The following RAPGEF5 variants were observed in gnomAD, a reference collection of about 807,000 sequenced individuals.
RAPGEF5 encodes the protein M-Ras-regulated GEF.
RAPGEF5 carries 65 observed loss-of-function variants against 125.2 expected under a neutral mutation model. That is an observed-to-expected ratio of 0.52 (90% CI 0.43 to 0.64). The LOEUF (loss-of-function observed/expected upper bound fraction) is 0.64, where lower values mean the gene tolerates loss of function less well. RAPGEF5 is among the 30% of genes least tolerant of loss of function. The pLI is 0.00. For missense variants in RAPGEF5, 958 were observed against 1,048.1 expected (o/e 0.91, Z 1.19); for synonymous variants, 391 against 385.9 (o/e 1.01, Z -0.16).
intron 6 of RAPGEF5, among the ~76,000 whole-genome samples, chr7:22,283,467 G>C (rs1782722144): frequency 6.6e-6 from 1 of 152,100 alleles, no homozygotes; most frequent in African/African-American, 2.4e-5. Flanking sequence ...ACCATACAAA[G>C]CTATAACACT....
chr7:22,269,634 A>C (rs948751892), intron 6 of RAPGEF5, among the ~76,000 whole-genome samples: 2 of 152,274 alleles, frequency 1.3e-5, no homozygotes, highest in Non-Finnish European at 2.9e-5. Flanking sequence ...AGAAGGATTC[A>C]AAGCTGGCCT....
chr7:22,156,042 A>T (rs892254743), intron 16 of RAPGEF5, among the ~76,000 whole-genome samples: 1 of 152,242 alleles, frequency 6.6e-6, no homozygotes, highest in Non-Finnish European at 1.5e-5. Flanking sequence ...TATCAGCAGC[A>T]TTATATGCAA....
At chr7:22,221,041 T>C (rs1307301934) in intron 8 of RAPGEF5, among the ~76,000 whole-genome samples, 24 of 152,176 alleles carry the variant, frequency 1.6e-4, no homozygotes, top group Non-Finnish European at 1.0e-4. Flanking sequence ...AATGACTAAA[T>C]CTTTGTTCCC....
intron 6 of RAPGEF5, among the ~76,000 whole-genome samples, chr7:22,274,263 T>C (rs770960671): frequency 3.9e-5 from 6 of 152,298 alleles, no homozygotes; most frequent in African/African-American, 1.2e-4. Flanking sequence ...TAGATCCCCA[T>C]AGCCATCTAC....
chr7:22,234,649 G>C (rs544749256), intron 7 of RAPGEF5, among the ~76,000 whole-genome samples: 196 of 152,258 alleles, frequency 1.3e-3, no homozygotes, highest in Middle Eastern at 3.4e-3. Flanking sequence ...ATTCGTTAAG[G>C]GTACCTAGTT....
Position 22,173,963 on chromosome 7 carries a change from AACAG to A in RAPGEF5, c.1205-6819_1205-6816del, listed in dbSNP as rs375476204. Among the ~76,000 whole-genome samples the A allele has an allele frequency of 3.7e-3, 567 of 152,248 alleles. 2 individuals carry two copies. Among genetic ancestry groups the A allele is most frequent in the Non-Finnish European group, 6.4e-3 (432 of 68,020 alleles). On this transcript the variant is annotated intron_variant, in intron 11 of 25. Transcript: ENST00000665637. ...AAAACAGTATAAAGAATACTATGGA[AACAG>A]ACAGCTGGAAATCTAACGGGGTAGC...
chr7:22,193,095 T>G (rs2128125831), intron 11 of RAPGEF5: 3 of 523,652 alleles, frequency 5.7e-6, no homozygotes, highest in African/African-American at 1.9e-5. Flanking sequence ...TGCCTTTAGG[T>G]GAGATTTGGG....
intron 5 of RAPGEF5, among the ~76,000 whole-genome samples, chr7:22,294,185 TAAAG>T (rs1443814753): frequency 6.6e-6 from 1 of 151,714 alleles, no homozygotes; most frequent in Non-Finnish European, 1.5e-5. Context: ...AGAAAGAAAA[TAAAG>T]AAACTCTTAC....
chr7:22,162,493 C>T lies in RAPGEF5; in HGVS notation c.1332G>A (p.Pro444=), dbSNP rs41273957. 37,172 of 1,608,118 alleles carry T rather than the reference C, an allele frequency of 0.023. 561 individuals are homozygous for T. Among genetic ancestry groups the T allele is most frequent in the Middle Eastern group, 0.057 (345 of 6,050 alleles). ...GATGCAAGACTTTACGTTTCCTACGCGGAACGTCTGAGTTTTCCTCTTTGC... is the reference window on the plus strand; with the variant it reads ...GATGCAAGACTTTACGTTTCCTACGTGGAACGTCTGAGTTTTCCTCTTTGC... ...YQGKEENSDV[P]RRKRKVLHLV... is the part of the protein sequence containing the mutation. The change falls in exon 13 of 26, where the codon CCG becomes CCA. Residue 444 remains proline (P), a synonymous_variant. Transcript: ENST00000665637.
rs779675525 is a variant in RAPGEF5 at position 22,194,040 on chromosome 7, T to G, written c.997-7A>C. ...TCGTCACTTCATCATCTTGCTTTAA[T>G]TGTGGACAGGGATGATGGATGAGAG... On this transcript the variant is annotated splice_region_variant and splice_polypyrimidine_tract_variant and intron_variant, in intron 9 of 25. Transcript: ENST00000665637. 8.7e-6 allele frequency: 14 copies of G among 1,607,912 alleles called. No individual in the cohort carries two copies. In the South Asian group the frequency reaches 1.6e-4, roughly 18 times the overall value.
At chr7:22,179,754 T>C (rs1784617590) in intron 11 of RAPGEF5, among the ~76,000 whole-genome samples, 1 of 152,212 alleles carries the variant, frequency 6.6e-6, no homozygotes, top group African/African-American at 2.4e-5. Flanking sequence ...CACATGCTAA[T>C]TATGATACAA....
chr7:22,274,225 G>C (rs1330993988), intron 6 of RAPGEF5, among the ~76,000 whole-genome samples: 1 of 152,012 alleles, frequency 6.6e-6, no homozygotes, highest in Admixed American at 6.6e-5. Context: ...AATTATATTT[G>C]CATTTCCAGC....
chr7:22,351,302 T>C (rs1784324669), intron 1 of RAPGEF5, among the ~76,000 whole-genome samples: 1 of 152,328 alleles, frequency 6.6e-6, no homozygotes, highest in Admixed American at 6.5e-5. Flanking sequence ...ATAATAAGCT[T>C]CTGTGTGCCC....
At chr7:22,183,699 G>A (rs914866970) in intron 11 of RAPGEF5, among the ~76,000 whole-genome samples, 8 of 152,164 alleles carry the variant, frequency 5.3e-5, no homozygotes, top group Non-Finnish European at 1.2e-4. Context: ...AACTGACTTC[G>A]AGGAAATAAG....
chr7:22,344,915 G>C lies in RAPGEF5; in HGVS notation c.231+11915C>G, dbSNP rs145835019. Among the ~76,000 whole-genome samples the C allele has an allele frequency of 3.3e-5, 5 of 152,358 alleles. 1 individual carries two copies. The highest frequency in any genetic ancestry group is 1.2e-4 in the African/African-American group (5 of 41,584). Reference sequence around the variant, plus strand: ...ACAGCCAGGCATACTCCTGACCTAAGCAATGTTCTGATGATGACAGTCACC... The same window carrying C: ...ACAGCCAGGCATACTCCTGACCTAACCAATGTTCTGATGATGACAGTCACC... On this transcript the variant is annotated intron_variant, in intron 1 of 25. Coordinates refer to ENST00000665637, the MANE Select transcript of RAPGEF5 (RefSeq NM_012294.5).
intron 13 of RAPGEF5, 75 bp downstream of exon 13, chr7:22,162,322 G>C (rs1020568244): frequency 7.0e-7 from 1 of 1,433,154 alleles, no homozygotes; most frequent in Non-Finnish European, 9.6e-7. Flanking sequence ...ACCTACAAAT[G>C]AGATTTTTAA....
chr7:22,210,229 A>G (rs1785478689), intron 9 of RAPGEF5, among the ~76,000 whole-genome samples: 1 of 152,248 alleles, frequency 6.6e-6, no homozygotes, highest in African/African-American at 2.4e-5. Flanking sequence ...TTGACTGAGC[A>G]GGGAGAAAGT....
chr7:22,171,024 GT>G (rs574602699), intron 11 of RAPGEF5, among the ~76,000 whole-genome samples: 10,180 of 143,848 alleles, frequency 0.071, 384 homozygotes, highest in Middle Eastern at 0.13. Context: ...CAGCATTCAT[GT>G]TTTTTTTTTT....
At chr7:22,264,249 G>T (rs1337911973) in intron 7 of RAPGEF5, among the ~76,000 whole-genome samples, 1 of 152,132 alleles carries the variant, frequency 6.6e-6, no homozygotes, top group Admixed American at 6.5e-5. Context: ...GGATTATAGA[G>T]TTACTGGAAT....
Sources: allele counts gnomAD v4.1 joint callset (sites outside exome capture counted in the v4.1 genomes callset), GRCh38; gene constraint gnomAD v4.1.1; transcripts MANE v1.5; gene names NCBI Gene and HGNC (gene_info 2026-07-23, HGNC 2026-07-21).